The following CDH18 variants were observed in gnomAD, a reference collection of about 807,000 sequenced individuals.
CDH18 encodes cadherin 18.
Under a neutral mutation model 67.9 loss-of-function variants are expected in CDH18, and 31 were observed. The observed-to-expected ratio is 0.46, with a 90% CI of 0.34 to 0.62. The LOEUF (loss-of-function observed/expected upper bound fraction) is 0.62. Ranked by LOEUF, CDH18 falls within the 20% of genes least tolerant of loss-of-function variation. The probability of loss-of-function intolerance (pLI) is 0.01; values close to 1 mark genes in which losing one functional copy is unlikely to be tolerated. For missense variants in CDH18, 890 were observed against 975.5 expected (o/e 0.91, Z 1.17); for synonymous variants, 362 against 347.2 (o/e 1.04, Z -0.48).
intron 2 of CDH18, among the ~76,000 whole-genome samples, chr5:20,204,960 A>C (rs1206763174): frequency 1.3e-5 from 2 of 151,958 alleles, no homozygotes; most frequent in Non-Finnish European, 2.9e-5. Flanking sequence ...ACCAGAAAAA[A>C]ACTTAACCAC....
chr5:19,591,947 AT>A, intron 6 of CDH18, among the ~76,000 whole-genome samples: 1 of 152,222 alleles, frequency 6.6e-6, no homozygotes, highest in African/African-American at 2.4e-5. Context: ...ATTAGCATTA[AT>A]TTTGACACCT....
chr5:19,681,241 G>T (rs766247433), intron 5 of CDH18, among the ~76,000 whole-genome samples: 4 of 151,762 alleles, frequency 2.6e-5, no homozygotes, highest in Non-Finnish European at 5.9e-5. Flanking sequence ...ACTTAAGAGC[G>T]CAAGGTGGGA....
intron 5 of CDH18, among the ~76,000 whole-genome samples, chr5:19,644,138 A>G (rs1457529302): frequency 6.6e-6 from 1 of 152,066 alleles, no homozygotes; most frequent in Non-Finnish European, 1.5e-5. Flanking sequence ...AAATTAAGCA[A>G]ACCACTTACT....
At chr5:19,874,516 T>C (rs2150032833) in intron 2 of CDH18, among the ~76,000 whole-genome samples, 1 of 152,326 alleles carries the variant, frequency 6.6e-6, no homozygotes. Flanking sequence ...TGAAATCTCC[T>C]TCTCGATCCT....
chr5:20,482,877 C>T (rs1403803546), intron 1 of CDH18, among the ~76,000 whole-genome samples: 1 of 151,980 alleles, frequency 6.6e-6, no homozygotes, highest in East Asian at 1.9e-4. Context: ...GACAAGGATG[C>T]CCATTTTCAC....
rs112930502 is a variant in CDH18 at position 19,815,753 on chromosome 5, T to C, written c.228+23006A>G. Among the ~76,000 whole-genome samples the C allele has an allele frequency of 3.2e-3, 481 of 152,108 alleles. 2 individuals are homozygous for C. The highest frequency in any genetic ancestry group is 9.4e-3 in the African/African-American group (389 of 41,568). On this transcript the variant is annotated intron_variant, in intron 3 of 12. Coordinates refer to ENST00000382275, the MANE Select transcript of CDH18 (RefSeq NM_004934.5). ...ACACGAAGAGGCCTCTTAACTGTTT[T>C]GAGCATCGCTCCTTTCTATCACTTG...
chr5:19,976,433 G>C (rs2150349861), intron 2 of CDH18, among the ~76,000 whole-genome samples: 1 of 152,116 alleles, frequency 6.6e-6, no homozygotes, highest in African/African-American at 2.4e-5. Flanking sequence ...GGACACAGTA[G>C]TAAACTAATG....
chr5:20,372,432 AG>A (rs1417339586), intron 1 of CDH18, among the ~76,000 whole-genome samples: 1 of 152,174 alleles, frequency 6.6e-6, no homozygotes, highest in Non-Finnish European at 1.5e-5. Context: ...ACTTAATACT[AG>A]ATCTTATCCT....
intron 2 of CDH18, among the ~76,000 whole-genome samples, chr5:19,908,579 T>A (rs1428685843): frequency 3.3e-5 from 5 of 152,170 alleles, no homozygotes; most frequent in African/African-American, 1.2e-4. Flanking sequence ...GATATTGAAC[T>A]GTTAGAAAAA....
intron 3 of CDH18, among the ~76,000 whole-genome samples, chr5:19,803,413 T>G (rs1777671962): frequency 6.6e-6 from 1 of 152,204 alleles, no homozygotes; most frequent in African/African-American, 2.4e-5. Flanking sequence ...TATTTAAATT[T>G]AAAGTAATGA....
In CDH18 at chr5:20,172,214, A is replaced by ATATACACGTATATATATATATACG. The variant is rs1554098759; in HGVS notation, c.-518+83229_-518+83230insCGTATATATATATATACGTGTATA. Among the ~76,000 whole-genome samples, 20 of 32,846 alleles carry ATATACACGTATATATATATATACG rather than the reference A, an allele frequency of 6.1e-4. 1 individual carries two copies. The highest frequency in any genetic ancestry group is 2.5e-3 in the African/African-American group (20 of 8,062). 21.5% of individuals were successfully genotyped at this position (32,846 alleles called of 152,430 possible). A position where few individuals can be genotyped will look rare whatever the true frequency, so the allele number is the denominator to read the frequency against. ...TGTATATATATATATATATATATAT[A>ATATACACGTATATATATATATACG]TATATATATGTATATATATATATAT... On this transcript the variant is annotated intron_variant, in intron 2 of 14. Transcript: ENST00000507958.
chr5:19,531,114 T>C (rs560980588), intron 9 of CDH18, among the ~76,000 whole-genome samples: 52 of 152,290 alleles, frequency 3.4e-4, no homozygotes, highest in Non-Finnish European at 6.3e-4. Flanking sequence ...CAATAAATTG[T>C]AATTTTCAAG....
At chr5:20,417,741 C>CATAT (rs1747440386) in intron 1 of CDH18, among the ~76,000 whole-genome samples, 1 of 152,130 alleles carries the variant, frequency 6.6e-6, no homozygotes. Context: ...TATCATCAGT[C>CATAT]ATATATTCCT....
At chr5:19,935,187 G>A (rs1794103840) in intron 2 of CDH18, among the ~76,000 whole-genome samples, 1 of 151,192 alleles carries the variant, frequency 6.6e-6, no homozygotes, top group African/African-American at 2.4e-5. Flanking sequence ...ACCTGTTCAT[G>A]ACCAGCTTCT....
chr5:20,228,024 AT>A (rs1440460827), intron 2 of CDH18, among the ~76,000 whole-genome samples: 4 of 152,232 alleles, frequency 2.6e-5, no homozygotes, highest in Non-Finnish European at 5.9e-5. Context: ...GTTAAATCCA[AT>A]GTTCATCATC....
Position 20,233,408 on chromosome 5 carries a change from T to G in CDH18, c.-518+22036A>C, listed in dbSNP as rs189122293. Among the ~76,000 whole-genome samples, 5 of 151,992 alleles carry G rather than the reference T, an allele frequency of 3.3e-5. No homozygotes were observed. The East Asian group carries it at 5.8e-4, about 18-fold the overall frequency. ...AAGAGTTTGAAATTTTATATATTAC[T>G]CTGTCATATATAATGATAATCTTAG... is the stretch of plus-strand genomic sequence containing the variant. On this transcript the variant is annotated intron_variant, in intron 2 of 14. Transcript: ENST00000507958.
At chr5:19,904,913 A>T (rs1790370428) in intron 2 of CDH18, among the ~76,000 whole-genome samples, 1 of 152,016 alleles carries the variant, frequency 6.6e-6, no homozygotes, top group South Asian at 2.1e-4. Context: ...AGAGATTCAA[A>T]AAATGACCAC....
Position 19,687,383 on chromosome 5 carries a change from C to T in CDH18, c.643+33964G>A, listed in dbSNP as rs183120168. Among the ~76,000 whole-genome samples, 1,081 of 152,336 alleles carry T rather than the reference C, an allele frequency of 7.1e-3. 4 individuals carry two copies. The highest frequency in any genetic ancestry group is 0.011 in the Non-Finnish European group (765 of 68,036). ...ACTGGAGTTCACTGACATTCCTCCCCTTGCACACTTGTCTTACATTCACAC... is the reference window on the plus strand; with the variant it reads ...ACTGGAGTTCACTGACATTCCTCCCTTTGCACACTTGTCTTACATTCACAC... On this transcript the variant is annotated intron_variant, in intron 5 of 12. Transcript: ENST00000382275.
chr5:19,760,282 C>T (rs185611115), intron 3 of CDH18, among the ~76,000 whole-genome samples: 12 of 152,168 alleles, frequency 7.9e-5, no homozygotes, highest in East Asian at 3.9e-4. Context: ...CAGGTGCTGC[C>T]GTCAAAAATC....
Sources: gnomAD v4.1 joint callset for allele counts (sites outside exome capture counted in the v4.1 genomes callset) on GRCh38, gnomAD v4.1.1 for gene constraint, MANE v1.5 for transcripts, NCBI Gene and HGNC (gene_info 2026-07-23, HGNC 2026-07-21) for gene names.